Variants in ARMC2 observed in about 807,000 individuals in gnomAD.
ARMC2 encodes the protein armadillo repeat containing 2.
In ARMC2, 67 loss-of-function variants were observed where a neutral mutation model predicts 90.3. That is an observed-to-expected ratio of 0.74 (90% CI 0.61 to 0.91). The LOEUF (loss-of-function observed/expected upper bound fraction) is 0.91. Among genes scored for constraint, ARMC2 ranks in the 40% least tolerant of loss-of-function variants. ARMC2 has a pLI of 0.00. For synonymous variants in ARMC2, 393 were observed against 393.0 expected (o/e 1.00, Z 0.00); for missense variants, 920 against 1,030.9 (o/e 0.89, Z 1.47).
chr6:108,970,339 A>G (rs1423366877), intron 17 of ARMC2, among the ~76,000 whole-genome samples: 2 of 152,074 alleles, frequency 1.3e-5, no homozygotes, highest in Non-Finnish European at 2.9e-5. Flanking sequence ...CCCAACAGAG[A>G]TTTTGCTAAA....
chr6:109,014,998 T>G, the ARMC2 span, among the ~76,000 whole-genome samples: 19 of 152,212 alleles, frequency 1.2e-4, no homozygotes, highest in African/African-American at 4.3e-4. Context: ...ATATTTCCAA[T>G]GTCCTAGTGC....
downstream of ARMC2, among the ~76,000 whole-genome samples, chr6:108,977,886 T>G (rs10456862): frequency 0.11 from 16,786 of 152,188 alleles, 1,012 homozygotes; most frequent in Middle Eastern, 0.19. Flanking sequence ...GATTCTTCTC[T>G]TTATTCTTCT....
intron 3 of ARMC2, among the ~76,000 whole-genome samples, chr6:108,864,634 T>G (rs549737300): frequency 1.3e-5 from 2 of 152,266 alleles, no homozygotes; most frequent in African/African-American, 4.8e-5. Flanking sequence ...TTCTGCTGCT[T>G]TACAGATTAA....
At chr6:108,965,831 T>G (rs1485617928) in intron 17 of ARMC2, among the ~76,000 whole-genome samples, 1 of 151,074 alleles carries the variant, frequency 6.6e-6, no homozygotes. Flanking sequence ...AATTTTTTTT[T>G]TTGTAGCGAT....
the ARMC2 span, among the ~76,000 whole-genome samples, chr6:109,051,615 T>C: frequency 6.6e-6 from 1 of 152,224 alleles, no homozygotes; most frequent in Non-Finnish European, 1.5e-5. Flanking sequence ...GGTTTTCTTT[T>C]TTTCTGTAAT....
chr6:108,901,751 T>C (rs1489039284), intron 7 of ARMC2, among the ~76,000 whole-genome samples: 1 of 152,184 alleles, frequency 6.6e-6, no homozygotes, highest in Non-Finnish European at 1.5e-5. Flanking sequence ...CATTCTCTTA[T>C]ATATCTGGAA....
intron 10 of ARMC2, among the ~76,000 whole-genome samples, chr6:108,914,989 G>A (rs1039546053): frequency 1.3e-5 from 2 of 148,984 alleles, no homozygotes; most frequent in African/African-American, 2.5e-5. Flanking sequence ...TTTTGCTTTT[G>A]TCACCCAGGT....
chr6:108,876,008 A>T, intron 4 of ARMC2, 135 bp from the exon 5 acceptor site: 1 of 807,684 alleles, frequency 1.2e-6, no homozygotes, highest in Non-Finnish European at 2.0e-6. Flanking sequence ...CTTTGGCCAT[A>T]AAATTCCAGA....
the ARMC2 span, among the ~76,000 whole-genome samples, chr6:109,038,944 G>A: frequency 5.4e-5 from 8 of 147,656 alleles, no homozygotes; most frequent in Admixed American, 1.4e-4. Flanking sequence ...AAGAGAAGAA[G>A]AAAAGAAGGG....
chr6:109,028,611 G>C, the ARMC2 span, among the ~76,000 whole-genome samples: 3 of 152,058 alleles, frequency 2.0e-5, no homozygotes, highest in Admixed American at 1.3e-4. Context: ...TAAACAAGAT[G>C]GTTCTACTTT....
the ARMC2 span, among the ~76,000 whole-genome samples, chr6:109,027,786 T>C: frequency 6.6e-6 from 1 of 152,140 alleles, no homozygotes; most frequent in Non-Finnish European, 1.5e-5. Context: ...CAATATCTCA[T>C]TGTGATTTTA....
chr6:108,851,958 CTG>C, intron 1 of ARMC2, among the ~76,000 whole-genome samples: 1 of 152,214 alleles, frequency 6.6e-6, no homozygotes, highest in South Asian at 2.1e-4. Context: ...GTTTCCTCTT[CTG>C]TGTTTCCCAG....
chr6:109,023,416 A>G, the ARMC2 span, among the ~76,000 whole-genome samples: 1 of 152,260 alleles, frequency 6.6e-6, no homozygotes, highest in East Asian at 1.9e-4. Flanking sequence ...TTACCATGCT[A>G]ACAGTGACTG....
At chr6:108,860,103 G>A (rs1775068695) in intron 3 of ARMC2, among the ~76,000 whole-genome samples, 1 of 150,412 alleles carries the variant, frequency 6.6e-6, no homozygotes, top group African/African-American at 2.4e-5. Flanking sequence ...GGAAGAGACT[G>A]TATTCTGATC....
chr6:108,900,439 T>C (rs981208165), intron 7 of ARMC2, among the ~76,000 whole-genome samples: 1 of 152,226 alleles, frequency 6.6e-6, no homozygotes, highest in Non-Finnish European at 1.5e-5. Flanking sequence ...CTTTCTGAAG[T>C]TAACCAGGCT....
chr6:108,851,740 C>T (rs1582909620), intron 1 of ARMC2, among the ~76,000 whole-genome samples: 1 of 152,188 alleles, frequency 6.6e-6, no homozygotes, highest in Middle Eastern at 3.4e-3. Flanking sequence ...AGTTTGAGAC[C>T]AGCCTGGACA....
chr6:109,006,362 A>G, the ARMC2 span, among the ~76,000 whole-genome samples: 179 of 152,216 alleles, frequency 1.2e-3, no homozygotes, highest in African/African-American at 4.2e-3. Flanking sequence ...GGTTTGTTAC[A>G]TATGTATGCA....
At chr6:109,030,439 T>A in the ARMC2 span, among the ~76,000 whole-genome samples, 1 of 152,196 alleles carries the variant, frequency 6.6e-6, no homozygotes, top group African/African-American at 2.4e-5. Context: ...GAAAAGACAG[T>A]AGAAGATTTA....
chr6:108,986,383 C>A, the ARMC2 span: 1 of 151,742 alleles, frequency 6.6e-6, no homozygotes, highest in East Asian at 1.9e-4. Flanking sequence ...GATAGAAACT[C>A]AAAATTATTA....
Sources: allele counts gnomAD v4.1 joint callset (sites outside exome capture counted in the v4.1 genomes callset), GRCh38; gene constraint gnomAD v4.1.1; transcripts MANE v1.5; gene names NCBI Gene and HGNC (gene_info 2026-07-23, HGNC 2026-07-21).